Variants in ARHGAP22 observed in about 807,000 individuals in gnomAD.
The protein encoded by ARHGAP22 is Rho GTPase activating protein 22, also known as rho GTPase-activating protein 22.
Under a neutral mutation model 59.1 loss-of-function variants are expected in ARHGAP22, and 48 were observed. The observed-to-expected ratio is 0.81, with a 90% CI of 0.64 to 1.03. The LOEUF (loss-of-function observed/expected upper bound fraction) is 1.03. Ranked by LOEUF, ARHGAP22 falls within the 50% of genes least tolerant of loss-of-function variation. The probability of loss-of-function intolerance (pLI) is 0.00; values close to 1 mark genes in which losing one functional copy is unlikely to be tolerated. For synonymous variants in ARHGAP22, 445 were observed against 416.4 expected, an observed-to-expected ratio of 1.07 and a Z score of -0.84; for missense variants, 1,015 against 958.7, an observed-to-expected ratio of 1.06 and a Z score of -0.78.
At chr10:48,612,905 C>T (rs767009724) in intron 1 of ARHGAP22, among the ~76,000 whole-genome samples, 1 of 152,196 alleles carries the variant, frequency 6.6e-6, no homozygotes, top group Non-Finnish European at 1.5e-5. Context: ...TACTGTCAGC[C>T]TCATCACTGT....
chr10:48,457,084 G>T (rs1478104976), intron 5 of ARHGAP22, among the ~76,000 whole-genome samples: 1 of 152,104 alleles, frequency 6.6e-6, no homozygotes, highest in East Asian at 1.9e-4. Context: ...CTGCCCTGGG[G>T]ACAAAGAGGC....
chr10:48,555,347 TG>T, intron 3 of ARHGAP22, 115 bp downstream of exon 3: 1 of 997,260 alleles, frequency 1.0e-6, no homozygotes, highest in African/African-American at 1.6e-5. Flanking sequence ...GAGTCATGCC[TG>T]GAGACTGTGC....
intron 3 of ARHGAP22, among the ~76,000 whole-genome samples, chr10:48,545,485 A>G (rs571583861): frequency 1.6e-4 from 25 of 152,266 alleles, no homozygotes; most frequent in African/African-American, 5.8e-4. Flanking sequence ...CATTTCTGTC[A>G]TTACCCATCA....
At chr10:48,567,857 G>A (rs2058148513) in intron 2 of ARHGAP22, among the ~76,000 whole-genome samples, 1 of 151,912 alleles carries the variant, frequency 6.6e-6, no homozygotes, top group South Asian at 2.1e-4. Flanking sequence ...TTAGCTGCTG[G>A]GATCTCAAGG....
chr10:48,652,477 T>C (rs1418160146), exon 1 of ARHGAP22: 1 of 609,182 alleles, frequency 1.6e-6, no homozygotes, highest in Admixed American at 2.9e-5. Context: ...CTGTGAAGAA[T>C]TAGTTCATTA....
At chr10:48,464,023 G>A (rs542261489) in intron 4 of ARHGAP22, among the ~76,000 whole-genome samples, 2 of 152,236 alleles carry the variant, frequency 1.3e-5, no homozygotes, top group South Asian at 2.1e-4. Context: ...GCTCCAGCCC[G>A]GCCTGCTGTC....
chr10:48,449,511 C>G (rs2045685261), intron 9 of ARHGAP22, among the ~76,000 whole-genome samples: 1 of 152,240 alleles, frequency 6.6e-6, no homozygotes. Flanking sequence ...TCCACTGCCT[C>G]TAATGGATAA....
the ARHGAP22 span, chr10:48,435,815 A>T: frequency 2.0e-5 from 3 of 152,264 alleles, no homozygotes; most frequent in Non-Finnish European, 4.4e-5. Flanking sequence ...ATGATCACAT[A>T]AAGGCAAGAG....
chr10:48,434,276 C>T, the ARHGAP22 span, among the ~76,000 whole-genome samples: 2 of 152,180 alleles, frequency 1.3e-5, no homozygotes, highest in Admixed American at 6.5e-5. Flanking sequence ...GTGACAGTGG[C>T]ATGTCCCATA....
At chr10:48,508,199 A>C (rs1207060097) in intron 3 of ARHGAP22, among the ~76,000 whole-genome samples, 1 of 152,168 alleles carries the variant, frequency 6.6e-6, no homozygotes, top group Non-Finnish European at 1.5e-5. Context: ...CCCCAGGCAT[A>C]TTTGGACTCC....
chr10:48,632,996 GACA>G (rs1197231721), intron 1 of ARHGAP22, among the ~76,000 whole-genome samples: 82 of 152,262 alleles, frequency 5.4e-4, no homozygotes, highest in African/African-American at 1.9e-3. Context: ...CCTGCCAGAG[GACA>G]TCACCTGCCA....
intron 3 of ARHGAP22, among the ~76,000 whole-genome samples, chr10:48,492,607 G>A (rs1450372727): frequency 2.6e-5 from 4 of 151,874 alleles, no homozygotes; most frequent in African/African-American, 9.7e-5. Context: ...CAACTGGAGT[G>A]TAGTGGCACA....
chr10:48,652,958 A>G (rs193167268), upstream of ARHGAP22, among the ~76,000 whole-genome samples: 2 of 152,252 alleles, frequency 1.3e-5, no homozygotes, highest in African/African-American at 4.8e-5. Context: ...CATAATTTAC[A>G]GTTGTGGAGA....
At chr10:48,606,908 A>G (rs2060701091), upstream of ARHGAP22, among the ~76,000 whole-genome samples, 1 of 152,202 alleles carries the variant, frequency 6.6e-6, no homozygotes, top group South Asian at 2.1e-4. Flanking sequence ...GCCTCACAGG[A>G]AACTCTGGCT....
upstream of ARHGAP22, among the ~76,000 whole-genome samples, chr10:48,653,753 C>T (rs77343644): frequency 1.3e-4 from 20 of 152,322 alleles, no homozygotes; most frequent in East Asian, 3.5e-3. Context: ...GCCCATCCCA[C>T]GACCTGGTGT....
intron 1 of ARHGAP22, among the ~76,000 whole-genome samples, chr10:48,616,951 A>G (rs1006430750): frequency 3.3e-5 from 5 of 152,058 alleles, no homozygotes; most frequent in Non-Finnish European, 5.9e-5. Context: ...TTTTTTTGCA[A>G]CTTCACTTTT....
intron 3 of ARHGAP22, among the ~76,000 whole-genome samples, chr10:48,481,539 A>C (rs1341920782): frequency 1.3e-5 from 2 of 152,084 alleles, no homozygotes; most frequent in African/African-American, 4.8e-5. Flanking sequence ...AGGGCCACCC[A>C]AGTCACACAA....
At chr10:48,599,623 C>A (rs566561491) in intron 1 of ARHGAP22, among the ~76,000 whole-genome samples, 6 of 152,292 alleles carry the variant, frequency 3.9e-5, no homozygotes, top group Admixed American at 3.9e-4. Context: ...CCCATCTGAG[C>A]CCACCACACA....
intron 3 of ARHGAP22, among the ~76,000 whole-genome samples, chr10:48,523,867 G>A (rs2054063956): frequency 6.6e-6 from 1 of 152,072 alleles, no homozygotes; most frequent in South Asian, 2.1e-4. Context: ...CCCGCGCCCC[G>A]AGTGAAGGGG....
Sources: gnomAD v4.1 joint callset for allele counts (sites outside exome capture counted in the v4.1 genomes callset) on GRCh38, gnomAD v4.1.1 for gene constraint, MANE v1.5 for transcripts, NCBI Gene and HGNC (gene_info 2026-07-23, HGNC 2026-07-21) for gene names.